Variants in GRIN2A observed in about 807,000 individuals in gnomAD.
GRIN2A encodes the protein glutamate ionotropic receptor NMDA type subunit 2A, also known as glutamate receptor ionotropic, NMDA 2A.
Under a neutral mutation model 113.4 loss-of-function variants are expected in GRIN2A, and 22 were observed. That is an observed-to-expected ratio of 0.19 (90% confidence interval 0.14 to 0.28). GRIN2A has a LOEUF of 0.28. Ranked by LOEUF, GRIN2A falls within the 10% of genes least tolerant of loss-of-function variation. The pLI, the probability that GRIN2A is intolerant of heterozygous loss-of-function variation, is 1.00. For synonymous variants in GRIN2A, 827 were observed against 738.4 expected (o/e 1.12, Z -1.94); for missense variants, 1,502 against 1,887.0 (o/e 0.80, Z 3.78).
At chr16:10,142,805 T>A (rs1428072205) in intron 2 of GRIN2A, among the ~76,000 whole-genome samples, 2 of 152,194 alleles carry the variant, frequency 1.3e-5, no homozygotes, top group African/African-American at 4.8e-5. Flanking sequence ...CTTGCTATGA[T>A]CTCTCTCAGT....
rs530416255 is a variant in GRIN2A at position 9,942,579 on chromosome 16, G to A, written c.415-4028C>T. Among the ~76,000 whole-genome samples the A allele has an allele frequency of 2.0e-4, 30 of 152,208 alleles. No individual in the cohort carries two copies. In the South Asian group the frequency reaches 5.8e-3, roughly 29 times the overall value. ...TTGTCTCCACATCCTCGGTCCTACA[G>A]ACCACACAGACATCGTCAGAAACCT... is the stretch of plus-strand genomic sequence containing the variant. On this transcript the variant is annotated intron_variant, in intron 2 of 12. Coordinates refer to ENST00000330684, the MANE Select transcript of GRIN2A (RefSeq NM_001134407.3).
At chr16:9,790,309 G>A (rs1056433242) in intron 11 of GRIN2A, among the ~76,000 whole-genome samples, 6 of 152,138 alleles carry the variant, frequency 3.9e-5, no homozygotes, top group African/African-American at 1.4e-4. Context: ...AATTTGTCTA[G>A]GAGGCAGAGA....
chr16:9,911,011 AC>A (rs1157614881), intron 3 of GRIN2A, among the ~76,000 whole-genome samples: 1 of 151,934 alleles, frequency 6.6e-6, no homozygotes, highest in East Asian at 1.9e-4. Context: ...GGTCTTCTTT[AC>A]TTTAACTAAA....
In GRIN2A at chr16:9,772,922, C is replaced by CCAA. The variant is rs777635808; in HGVS notation, c.2357-3834_2357-3833insTTG. Among the ~76,000 whole-genome samples the CCAA allele has an allele frequency of 2.6e-3, 270 of 104,974 alleles. 1 individual carries two copies. The highest frequency in any genetic ancestry group is 9.2e-3 in the African/African-American group (247 of 26,812). 68.9% of individuals were successfully genotyped at this position (104,974 alleles called of 152,430 possible). On this transcript the variant is annotated intron_variant, in intron 11 of 12. Transcript: ENST00000330684. ...AACATGGTAAAGCAGACTTCAATTTCAAAAAAAAAAAAAAAAAAAAAGAGC... is the reference window on the plus strand; with the variant it reads ...AACATGGTAAAGCAGACTTCAATTTCCAAAAAAAAAAAAAAAAAAAAAAAGAGC...
At chr16:10,037,646 G>C (rs2047060356) in intron 2 of GRIN2A, among the ~76,000 whole-genome samples, 1 of 152,022 alleles carries the variant, frequency 6.6e-6, no homozygotes, top group South Asian at 2.1e-4. Context: ...ATTTTTTAGA[G>C]ACAGGGTCTT....
chr16:10,003,243 T>A (rs182207525), intron 2 of GRIN2A, among the ~76,000 whole-genome samples: 38 of 152,282 alleles, frequency 2.5e-4, no homozygotes, highest in African/African-American at 8.7e-4. Flanking sequence ...TCCTGGATTC[T>A]GATTCCAATG....
intron 2 of GRIN2A, among the ~76,000 whole-genome samples, chr16:10,069,571 G>A (rs557472443): frequency 2.3e-4 from 35 of 152,356 alleles, no homozygotes; most frequent in African/African-American, 6.3e-4. Context: ...CACCCACCTC[G>A]TGCTGCAGTA....
intron 2 of GRIN2A, among the ~76,000 whole-genome samples, chr16:10,073,226 G>A (rs2047795858): frequency 6.6e-6 from 1 of 152,228 alleles, no homozygotes; most frequent in South Asian, 2.1e-4. Flanking sequence ...AAAATGCTGG[G>A]ATTACAGGTG....
intron 2 of GRIN2A, among the ~76,000 whole-genome samples, chr16:10,065,427 T>C (rs912254479): frequency 6.6e-6 from 1 of 152,236 alleles, no homozygotes; most frequent in African/African-American, 2.4e-5. Flanking sequence ...CAGGAGTCTC[T>C]CAACTTCAGG....
chr16:10,106,982 T>A (rs1416934390), intron 2 of GRIN2A, among the ~76,000 whole-genome samples: 2 of 152,198 alleles, frequency 1.3e-5, no homozygotes, highest in Non-Finnish European at 2.9e-5. Flanking sequence ...GAAGACATGA[T>A]GTTCATCTCA....
In GRIN2A at chr16:10,095,174, A is replaced by T. The variant is rs149374747; in HGVS notation, c.414+84824T>A. Reference sequence around the variant, plus strand: ...AGACAGCTGTCTGCAAACCAGTAAGAGAGCCCTTACTCAAACCCAACCACG... The same window carrying T: ...AGACAGCTGTCTGCAAACCAGTAAGTGAGCCCTTACTCAAACCCAACCACG... On this transcript the variant is annotated intron_variant, in intron 2 of 12. Transcript: ENST00000330684. 3.6e-4 allele frequency among the ~76,000 whole-genome samples: 55 copies of T among 152,320 alleles called. 1 individual carries two copies. The East Asian group carries it at 0.01, about 28-fold the overall frequency.
intron 2 of GRIN2A, among the ~76,000 whole-genome samples, chr16:9,985,861 G>C (rs1415469960): frequency 6.6e-6 from 1 of 152,138 alleles, no homozygotes; most frequent in East Asian, 1.9e-4. Context: ...GTAACACAAA[G>C]AAAGGGTAAA....
Position 9,759,703 on chromosome 16 carries a change from G to T in GRIN2A, c.*3446C>A, listed in dbSNP as rs1900495132. 1 of 229,358 alleles carries T rather than the reference G, an allele frequency of 4.4e-6. No individual in the cohort carries two copies. The highest frequency in any genetic ancestry group is 5.7e-5 in the Admixed American group (1 of 17,642). 14.2% of individuals were successfully genotyped at this position (229,358 alleles called of 1,614,324 possible). ...TCATGGTGCTGGCTAAAATAACGCA[G>T]AGAGATTTGCAGAGGACATAACAGT... On this transcript the variant is annotated 3_prime_UTR_variant, in exon 13 of 13. Coordinates refer to ENST00000330684, the MANE Select transcript of GRIN2A (RefSeq NM_001134407.3).
Position 9,828,582 on chromosome 16 carries a change from C to A in GRIN2A, c.2007+841G>T, listed in dbSNP as rs188720758. ...AATCTTTGTGGTGCTGCAATCTCAA[C>A]ACTTGCTGAGCTTAGCAAGTCAGGA... On this transcript the variant is annotated intron_variant, in intron 9 of 12. Transcript: ENST00000330684. Among the ~76,000 whole-genome samples the A allele has an allele frequency of 3.0e-3, 453 of 152,350 alleles. 2 individuals are homozygous for A. The highest frequency in any genetic ancestry group is 0.014 in the Middle Eastern group (4 of 294).
intron 2 of GRIN2A, chr16:10,112,565 C>T (rs911850178): frequency 3.0e-5 from 23 of 776,426 alleles, no homozygotes; most frequent in Middle Eastern, 7.2e-4. Flanking sequence ...CACGGAGGCC[C>T]AGCGGCGAGT....
intron 11 of GRIN2A, among the ~76,000 whole-genome samples, chr16:9,770,143 A>G (rs1901171785): frequency 6.6e-6 from 1 of 152,208 alleles, no homozygotes; most frequent in Non-Finnish European, 1.5e-5. Flanking sequence ...TAGCAATTAT[A>G]CTGTCTAGCA....
chr16:10,043,082 A>C (rs1283117965), intron 2 of GRIN2A, among the ~76,000 whole-genome samples: 1 of 152,098 alleles, frequency 6.6e-6, no homozygotes, highest in Non-Finnish European at 1.5e-5. Flanking sequence ...ACATACCCCA[A>C]CTCATTCAAG....
At chr16:10,040,793 C>G (rs1315388209) in intron 2 of GRIN2A, among the ~76,000 whole-genome samples, 1 of 152,258 alleles carries the variant, frequency 6.6e-6, no homozygotes, top group African/African-American at 2.4e-5. Context: ...ACTGCATCTG[C>G]CTCTGTTCCT....
intron 2 of GRIN2A, among the ~76,000 whole-genome samples, chr16:10,009,059 T>A (rs1180609888): frequency 6.6e-6 from 1 of 152,210 alleles, no homozygotes; most frequent in East Asian, 1.9e-4. Context: ...TGTCAAGTGC[T>A]GATAAAGTCC....
Sources: allele counts gnomAD v4.1 joint callset (sites outside exome capture counted in the v4.1 genomes callset), GRCh38; gene constraint gnomAD v4.1.1; transcripts MANE v1.5; gene names NCBI Gene and HGNC (gene_info 2026-07-23, HGNC 2026-07-21).